The following EDIL3 variants were observed in gnomAD, a reference collection of about 807,000 sequenced individuals.
EDIL3 encodes the protein EGF like and discoidin domains 3, also known as EGF-like repeat and discoidin I-like domain-containing protein 3.
In EDIL3, 37 loss-of-function variants were observed where a neutral mutation model predicts 67.4. The observed-to-expected ratio is 0.55, with a 90% CI of 0.42 to 0.72. The LOEUF is 0.72. Among genes scored for constraint, EDIL3 ranks in the 30% least tolerant of loss-of-function variants. The probability of loss-of-function intolerance (pLI) is 0.00; values close to 1 mark genes in which losing one functional copy is unlikely to be tolerated. For missense variants in EDIL3, 527 were observed against 586.3 expected, an observed-to-expected ratio of 0.90 and a Z score of 1.04; for synonymous variants, 195 against 196.3, an observed-to-expected ratio of 0.99 and a Z score of 0.05.
chr5:83,963,170 C>T, intron 10 of EDIL3, 35 bp downstream of exon 10: 1 of 1,569,556 alleles, frequency 6.4e-7, no homozygotes, highest in Non-Finnish European at 8.6e-7. Context: ...TGATCCTCCA[C>T]TTCTGAACTT....
At chr5:84,090,322 G>C (rs1747142003) in intron 6 of EDIL3, among the ~76,000 whole-genome samples, 1 of 152,162 alleles carries the variant, frequency 6.6e-6, no homozygotes. Flanking sequence ...TCATTTTGAA[G>C]AGCAATATGC....
In EDIL3 at chr5:84,384,711, CGCGGG is replaced by C. The variant is rs1748194028; in HGVS notation, c.-342_-338del. ...TCCCGCGGCCGCCCCGGGTCTGCTG[CGCGGG>C]CAGGCAGACCCACCGGCAGACAGGC... On this transcript the variant is annotated 5_prime_UTR_variant, in exon 1 of 11. Coordinates refer to ENST00000296591, the MANE Select transcript of EDIL3 (RefSeq NM_005711.5). 1 of 161,938 alleles carries C rather than the reference CGCGGG, an allele frequency of 6.2e-6. No homozygotes were observed. Among genetic ancestry groups the C allele is most frequent in the Non-Finnish European group, 1.3e-5 (1 of 74,816 alleles). The allele number at this position is 161,938 out of a possible 1,614,324, so 10.0% of individuals were successfully genotyped here.
Position 84,141,952 on chromosome 5 carries a change from G to GATCGATCTATCTATCTATCTATCTATCT in EDIL3, c.356-4599_356-4598insAGATAGATAGATAGATAGATAGATCGAT, listed in dbSNP as rs71605902. On this transcript the variant is annotated intron_variant, in intron 4 of 10. Transcript: ENST00000296591. The stretch of plus-strand genomic sequence containing the variant: ...ATATATATATATATATATATACATA[G>GATCGATCTATCTATCTATCTATCTATCT]ATCTATCTATCTATCTATCTATCTA... Among the ~76,000 whole-genome samples, 53 of 108,362 alleles carry GATCGATCTATCTATCTATCTATCTATCT rather than the reference G, an allele frequency of 4.9e-4. 1 individual carries two copies. The highest frequency in any genetic ancestry group is 1.3e-3 in the Admixed American group (12 of 9,266). 71.1% of individuals were successfully genotyped at this position (108,362 alleles called of 152,430 possible).
chr5:83,955,002 T>A (rs1246149542), intron 10 of EDIL3, among the ~76,000 whole-genome samples: 1 of 151,804 alleles, frequency 6.6e-6, no homozygotes, highest in African/African-American at 2.4e-5. Flanking sequence ...AATCAATATT[T>A]TTAACATGTT....
chr5:84,045,678 AC>A (rs549128962), intron 9 of EDIL3, among the ~76,000 whole-genome samples: 175 of 152,360 alleles, frequency 1.1e-3, no homozygotes, highest in African/African-American at 3.9e-3. Context: ...GGTCCAGAAG[AC>A]ACACTATGCT....
chr5:84,159,692 T>C (rs1466505907), intron 4 of EDIL3, among the ~76,000 whole-genome samples: 1 of 152,018 alleles, frequency 6.6e-6, no homozygotes, highest in Non-Finnish European at 1.5e-5. Context: ...ACATAAATTT[T>C]AAAATAATGA....
intron 1 of EDIL3, among the ~76,000 whole-genome samples, chr5:84,281,104 A>G (rs1272443830): frequency 1.3e-5 from 2 of 152,188 alleles, no homozygotes; most frequent in Non-Finnish European, 2.9e-5. Flanking sequence ...TATCAACTAC[A>G]AGTATTCCAT....
intron 5 of EDIL3, among the ~76,000 whole-genome samples, chr5:84,114,148 GTTTTTTTT>G (rs918208407): frequency 5.5e-5 from 6 of 109,840 alleles, no homozygotes; most frequent in Non-Finnish European, 1.1e-4. Context: ...GAACCCTAAA[GTTTTTTTT>G]TTTTTTTTTT....
intron 2 of EDIL3, among the ~76,000 whole-genome samples, chr5:84,252,493 C>CAAAAAAAAAAAAAAAAATAAAAAAAAAAA (rs1745042484): frequency 3.5e-5 from 1 of 28,944 alleles, no homozygotes; most frequent in Non-Finnish European, 5.8e-5. Flanking sequence ...GACTCCGTCT[C>CAAAAAAAAAAAAAAAAATAAAAAAAAAAA]AAAAAAAAAA....
intron 3 of EDIL3, among the ~76,000 whole-genome samples, chr5:84,218,454 G>A (rs942974208): frequency 2.0e-5 from 3 of 152,222 alleles, no homozygotes; most frequent in Admixed American, 1.3e-4. Context: ...TGGAGGCAGA[G>A]CCAGGTGGCT....
Position 84,319,292 on chromosome 5 carries a change from C to A in EDIL3, c.67+65016G>T, listed in dbSNP as rs1408304197. On this transcript the variant is annotated intron_variant, in intron 1 of 10. Transcript: ENST00000296591. Reference sequence around the variant, plus strand: ...TCGAGACCACGGTGAAACCCCGTCTCTACTAAAAATACAAAAAAAAAATTA... The same window carrying A: ...TCGAGACCACGGTGAAACCCCGTCTATACTAAAAATACAAAAAAAAAATTA... 1.8e-5 allele frequency among the ~76,000 whole-genome samples: 2 copies of A among 111,962 alleles called. 1 individual carries two copies. The highest frequency in any genetic ancestry group is 6.4e-5 in the African/African-American group (2 of 31,488). The allele number at this position is 111,962 out of a possible 152,430, so 73.5% of individuals were successfully genotyped here.
intron 1 of EDIL3, among the ~76,000 whole-genome samples, chr5:84,262,649 AGGTT>A (rs1745249471): frequency 1.1e-5 from 1 of 94,528 alleles, no homozygotes; most frequent in Non-Finnish European, 2.1e-5. Context: ...ACAATTCCCA[AGGTT>A]GGTTGGTTTT....
chr5:84,273,062 T>A (rs371751697), intron 1 of EDIL3, among the ~76,000 whole-genome samples: 1 of 152,098 alleles, frequency 6.6e-6, no homozygotes, highest in East Asian at 1.9e-4. Flanking sequence ...GCATTTTTCA[T>A]ACAAGGCTAA....
intron 9 of EDIL3, among the ~76,000 whole-genome samples, chr5:83,991,023 T>C (rs1343013457): frequency 6.6e-6 from 1 of 152,222 alleles, no homozygotes; most frequent in African/African-American, 2.4e-5. Context: ...ACTGTATTTG[T>C]CAATGAAAGG....
At chr5:84,313,644 T>C (rs985817471) in intron 1 of EDIL3, among the ~76,000 whole-genome samples, 2 of 152,210 alleles carry the variant, frequency 1.3e-5, no homozygotes, top group Non-Finnish European at 2.9e-5. Flanking sequence ...TTAGACTACC[T>C]GGTAGATTTC....
intron 4 of EDIL3, among the ~76,000 whole-genome samples, chr5:84,174,674 G>A (rs887077798): frequency 6.6e-6 from 1 of 152,120 alleles, no homozygotes; most frequent in Admixed American, 6.5e-5. Flanking sequence ...TTCACTGACT[G>A]GGCGCAGACT....
rs1276564269 is a variant in EDIL3 at position 84,229,794 on chromosome 5, C to T, written c.226+61G>A. Reference sequence around the variant, plus strand: ...GAAAAAATATTACTCAAAAGGTTGACTCTCTATTATTAAAGGCATGACATT... The same window carrying T: ...GAAAAAATATTACTCAAAAGGTTGATTCTCTATTATTAAAGGCATGACATT... On this transcript the variant is annotated intron_variant, in intron 3 of 10. Coordinates refer to ENST00000296591, the MANE Select transcript of EDIL3 (RefSeq NM_005711.5). The T allele has an allele frequency of 9.3e-6, 14 of 1,500,306 alleles. No homozygotes were observed. The East Asian group carries it at 3.0e-4, about 32-fold the overall frequency. The allele number at this position is 1,500,306 out of a possible 1,614,324, so 92.9% of individuals were successfully genotyped here.
intron 1 of EDIL3, among the ~76,000 whole-genome samples, chr5:84,277,859 G>A (rs529485421): frequency 4.6e-5 from 7 of 151,718 alleles, no homozygotes; most frequent in East Asian, 1.9e-4. Context: ...AAGTTAATAC[G>A]CATGATAATG....
At chr5:84,107,860 A>G (rs1747490949) in intron 5 of EDIL3, among the ~76,000 whole-genome samples, 1 of 150,880 alleles carries the variant, frequency 6.6e-6, no homozygotes, top group African/African-American at 2.4e-5. Flanking sequence ...AAGTAGGGAT[A>G]TGATATAAGG....
Sources: gnomAD v4.1 joint callset for allele counts (sites outside exome capture counted in the v4.1 genomes callset) on GRCh38, gnomAD v4.1.1 for gene constraint, MANE v1.5 for transcripts, NCBI Gene and HGNC (gene_info 2026-07-23, HGNC 2026-07-21) for gene names.